Variants in PCLO observed in about 807,000 individuals in gnomAD.
PCLO encodes piccolo presynaptic cytomatrix protein.
In PCLO, 82 loss-of-function variants were observed where a neutral mutation model predicts 427.5. That is an observed-to-expected ratio of 0.19 (90% CI 0.16 to 0.23). The LOEUF (loss-of-function observed/expected upper bound fraction) is 0.23. Ranked by LOEUF, PCLO falls within the 10% of genes least tolerant of loss-of-function variation. The pLI is 1.00. For missense variants in PCLO, 6,239 were observed against 6,115.9 expected (o/e 1.02, Z -0.67); for synonymous variants, 2,357 against 2,155.4 (o/e 1.09, Z -2.59).
intron 21 of PCLO, 143 bp from the exon 22 acceptor site, chr7:82,801,734 C>G: frequency 1.7e-6 from 1 of 596,494 alleles, no homozygotes; most frequent in Non-Finnish European, 3.0e-6. Context: ...TTTGGACTTG[C>G]AATAATTATT....
chr7:83,149,544 A>T (rs201885474), intron 2 of PCLO, among the ~76,000 whole-genome samples: 1 of 150,114 alleles, frequency 6.7e-6, no homozygotes, highest in Admixed American at 6.6e-5. Context: ...ATTTAAGCTT[A>T]AAAAAAAAGT....
At chr7:83,081,271 C>T (rs936886583) in intron 3 of PCLO, among the ~76,000 whole-genome samples, 1 of 151,952 alleles carries the variant, frequency 6.6e-6, no homozygotes, top group Non-Finnish European at 1.5e-5. Flanking sequence ...TCAATGTTTT[C>T]ATATTACTCT....
In PCLO at chr7:83,156,256, T is replaced by C; in HGVS notation, c.385A>G (p.Ser129Gly). 6.2e-7 allele frequency: 1 copy of C among 1,613,808 alleles called. No individual in the cohort carries two copies. The highest frequency in any genetic ancestry group is 8.5e-7 in the Non-Finnish European group (1 of 1,179,752). Reference sequence around the variant, plus strand: ...TCTTTCAAGCTAATAGTGGAAGGACTCCTCCCAGGCAATTTCTGCTCTGAC... The same window carrying C: ...TCTTTCAAGCTAATAGTGGAAGGACCCCTCCCAGGCAATTTCTGCTCTGAC... Reference protein sequence around the residue: ...FRSEQKLPGRSPSTISLKESK... With the variant: ...FRSEQKLPGRGPSTISLKESK... Residue 129 changes from serine to glycine, a missense_variant, in exon 2 of 25, where the codon AGT becomes GGT. Physicochemically the swap from Ser to Gly is moderately conservative, Grantham distance 56. Transcript: ENST00000333891.
intron 6 of PCLO, among the ~76,000 whole-genome samples, chr7:82,928,912 G>A (rs1035177180): frequency 8.5e-5 from 13 of 152,098 alleles, no homozygotes; most frequent in Admixed American, 8.5e-4. Context: ...TGAGAACAGT[G>A]GTTTCTGCAG....
rs780053782 is a variant in PCLO, at chr7:82,846,524, C to T, written c.13831+43G>A. On this transcript the variant is annotated intron_variant, in intron 12 of 24. Transcript: ENST00000333891. The stretch of plus-strand genomic sequence containing the variant: ...TCTGCCTCTGCAATTACTTCTATTT[C>T]TATCTCTTTATTTACAGTTGAAACT... 4.8e-6 allele frequency: 6 copies of T among 1,259,308 alleles called. No individual in the cohort carries two copies. The African/African-American group carries it at 8.9e-5, about 19-fold the overall frequency. The allele number at this position is 1,259,308 out of a possible 1,614,324, so 78.0% of individuals were successfully genotyped here. A position where few individuals can be genotyped will look rare whatever the true frequency, so the allele number is the denominator to read the frequency against.
chr7:82,818,834 T>G (rs996160528), intron 20 of PCLO, among the ~76,000 whole-genome samples: 1 of 152,188 alleles, frequency 6.6e-6, no homozygotes, highest in Non-Finnish European at 1.5e-5. Flanking sequence ...CAAAACACTC[T>G]GTACAACATG....
intron 3 of PCLO, among the ~76,000 whole-genome samples, chr7:83,086,378 G>T (rs1412468744): frequency 6.6e-6 from 1 of 152,016 alleles, no homozygotes; most frequent in Non-Finnish European, 1.5e-5. Flanking sequence ...CAAAGTTCTA[G>T]GATTACAGGC....
chr7:83,013,033 C>T (rs1046066922), intron 3 of PCLO, among the ~76,000 whole-genome samples: 3 of 152,094 alleles, frequency 2.0e-5, no homozygotes, highest in African/African-American at 7.2e-5. Flanking sequence ...ACACTGCACG[C>T]CTCCTTGCTC....
intron 3 of PCLO, among the ~76,000 whole-genome samples, chr7:83,080,110 C>G (rs1309254142): frequency 2.6e-5 from 4 of 152,128 alleles, no homozygotes; most frequent in East Asian, 1.9e-4. Flanking sequence ...TTTTCTTAAT[C>G]CAGTCTATCA....
chr7:82,857,160 G>T (rs1317765145), intron 10 of PCLO, among the ~76,000 whole-genome samples: 2 of 152,020 alleles, frequency 1.3e-5, no homozygotes, highest in Non-Finnish European at 2.9e-5. Context: ...TCTCATAGTA[G>T]CAGAAAACAG....
chr7:82,949,873 T>C lies in PCLO; in HGVS notation c.10715A>G (p.Asp3572Gly). The change falls in exon 6 of 25, where the codon GAT becomes GGT. Residue 3572 changes from aspartate (D) to glycine (G), a missense_variant. Physicochemically the swap from Asp to Gly is moderately conservative, Grantham distance 94. This residue lies in a region of PCLO where 4,677 missense variants were observed against 4,468.4 expected (regional missense o/e 1.05). Coordinates refer to ENST00000333891, the MANE Select transcript of PCLO (RefSeq NM_033026.6). The stretch of plus-strand genomic sequence containing the variant: ...ATATTGAGGACTTTGTGTGTCTGAA[T>C]CTGCTTCTGTTTGACATCCTAAACT... ...GGSLGCQTEA[D>G]SDTQSPQYLS... 6.2e-7 allele frequency: 1 copy of C among 1,613,800 alleles called. No individual in the cohort carries two copies. The highest frequency in any genetic ancestry group is 8.5e-7 in the Non-Finnish European group (1 of 1,179,858).
At position 82,915,790 on chromosome 7, in the gene PCLO, A is replaced by G. The variant is rs1458366772; in HGVS notation, c.12196T>C (p.Phe4066Leu). 4 of 1,612,874 alleles carry G rather than the reference A, an allele frequency of 2.5e-6. No individual in the cohort carries two copies. The South Asian group carries it at 4.4e-5, about 18-fold the overall frequency. ...GACAGATCCTTTTCATGAAGGCTAA[A>G]TGCGGTGCTTAATGCCGCTGTTCCT... ...TKGTAALSTA[F>L]SLHEKDLSKT... Residue 4066 changes from phenylalanine (F) to leucine (L), a missense_variant, in exon 7 of 25, where the codon TTT (phenylalanine) becomes CTT (leucine). By Grantham distance (22) the Phe-to-Leu change is conservative (BLOSUM62 0). Coordinates refer to ENST00000333891, the MANE Select transcript of PCLO (RefSeq NM_033026.6).
At chr7:83,147,299 T>A (rs1228116375) in intron 2 of PCLO, among the ~76,000 whole-genome samples, 1 of 152,118 alleles carries the variant, frequency 6.6e-6, no homozygotes, top group East Asian at 1.9e-4. Context: ...ATTTCTTTAA[T>A]TTAATTAGAA....
intron 16 of PCLO, among the ~76,000 whole-genome samples, chr7:82,831,390 G>A (rs939501001): frequency 6.6e-6 from 1 of 151,958 alleles, no homozygotes; most frequent in Non-Finnish European, 1.5e-5. Context: ...TATCTAGTTT[G>A]TCTTCTTTAT....
At chr7:82,813,499 G>A (rs1791615328) in intron 20 of PCLO, among the ~76,000 whole-genome samples, 1 of 151,648 alleles carries the variant, frequency 6.6e-6, no homozygotes, top group Admixed American at 6.6e-5. Flanking sequence ...ATGTAAATCA[G>A]TGACCAATTG....
intron 7 of PCLO, 136 bp downstream of exon 7, chr7:82,914,550 G>T (rs1212854789): frequency 1.2e-6 from 1 of 836,306 alleles, no homozygotes; most frequent in Non-Finnish European, 2.0e-6. Flanking sequence ...CCATTTACAA[G>T]AAATAAAATT....
Position 83,155,719 on chromosome 7 carries a change from G to C in PCLO, c.922C>G (p.Gln308Glu), listed in dbSNP as rs1584097985. 3 of 1,613,992 alleles carry C rather than the reference G, an allele frequency of 1.9e-6. No homozygotes were observed. The highest frequency in any genetic ancestry group is 2.5e-6 in the Non-Finnish European group (3 of 1,179,896). The stretch of plus-strand genomic sequence containing the variant: ...GCTGGAGGTTTTCCAGGAGTTGGTT[G>C]CTGAATAGGTGGTTTGGATGGGCTT... ...LPSPSKPPIQQPTPGKPPAQQ... is the reference protein window; with the variant it reads ...LPSPSKPPIQEPTPGKPPAQQ... Residue 308 changes from glutamine to glutamate, a missense_variant, in exon 2 of 25, where the codon CAA (glutamine) becomes GAA (glutamate). By Grantham distance (29) the Gln-to-Glu change is conservative. Around this residue, in one of 5 missense-constraint regions of PCLO, gnomAD observed 4,677 missense variants for 4,468.4 expected, o/e 1.05. Transcript: ENST00000333891.
chr7:83,085,986 C>T (rs981377443), intron 3 of PCLO, among the ~76,000 whole-genome samples: 11 of 152,102 alleles, frequency 7.2e-5, no homozygotes, highest in Non-Finnish European at 1.3e-4. Context: ...CCAAATGTGA[C>T]TTGATGGACA....
At chr7:82,835,004 G>A (rs1000273616) in intron 16 of PCLO, among the ~76,000 whole-genome samples, 3 of 151,906 alleles carry the variant, frequency 2.0e-5, no homozygotes, top group African/African-American at 7.3e-5. Context: ...GAGTGCAGGG[G>A]TGCGATCTTG....
Sources: allele counts gnomAD v4.1 joint callset (sites outside exome capture counted in the v4.1 genomes callset), GRCh38; gene constraint gnomAD v4.1.1; regional missense constraint gnomAD v4.1.1; transcripts MANE v1.5; gene names NCBI Gene and HGNC (gene_info 2026-07-23, HGNC 2026-07-21).